The following GTF3C1 variants were observed in gnomAD, a reference collection of about 807,000 sequenced individuals.
GTF3C1 encodes the protein general transcription factor 3C polypeptide 1.
GTF3C1 carries 57 observed loss-of-function variants against 226.7 expected under a neutral mutation model. The observed-to-expected ratio is 0.25, with a 90% CI of 0.20 to 0.31. GTF3C1 has a LOEUF of 0.31. Ranked by LOEUF, GTF3C1 falls within the 10% of genes least tolerant of loss-of-function variation. The pLI, the probability that GTF3C1 is intolerant of heterozygous loss-of-function variation, is 1.00. For missense variants in GTF3C1, 2,217 were observed against 2,776.1 expected, an observed-to-expected ratio of 0.80 and a Z score of 4.53; for synonymous variants, 1,090 against 1,084.8, an observed-to-expected ratio of 1.00 and a Z score of -0.09.
In GTF3C1 at chr16:27,512,957, A is replaced by T. The variant is rs535959223; in HGVS notation, c.974-1056T>A. The stretch of plus-strand genomic sequence containing the variant: ...TATCCTGTGATACGCGACAACCTGG[A>T]GCGGGACAACCACCCTGTAAAGATG... On this transcript the variant is annotated intron_variant, in intron 6 of 36. Coordinates refer to ENST00000356183, the MANE Select transcript of GTF3C1 (RefSeq NM_001520.4). Among the ~76,000 whole-genome samples the T allele has an allele frequency of 3.9e-5, 6 of 152,334 alleles. No individual in the cohort carries two copies. The East Asian group carries it at 1.2e-3, about 29-fold the overall frequency.
rs1003592784 is a variant in GTF3C1 at position 27,512,023 on chromosome 16, C to T, written c.974-122G>A. 2.9e-6 allele frequency: 3 copies of T among 1,049,920 alleles called. No individual in the cohort carries two copies. The African/African-American group carries it at 4.7e-5, about 16-fold the overall frequency. 65.0% of individuals were successfully genotyped at this position (1,049,920 alleles called of 1,614,324 possible). A position where few individuals can be genotyped will look rare whatever the true frequency, so the allele number is the denominator to read the frequency against. On this transcript the variant is annotated intron_variant, in intron 6 of 36. Coordinates refer to ENST00000356183, the MANE Select transcript of GTF3C1 (RefSeq NM_001520.4). ...GACAGAGATCCCCACAAAGGTCACA[C>T]ATATCACCGTGTCTGGACTTTTAAA...
intron 24 of GTF3C1, among the ~76,000 whole-genome samples, chr16:27,484,826 GA>G (rs1332710152): frequency 6.6e-6 from 1 of 152,228 alleles, no homozygotes; most frequent in Non-Finnish European, 1.5e-5. Context: ...AATAACACAG[GA>G]AGGCAAGGCC....
intron 6 of GTF3C1, among the ~76,000 whole-genome samples, chr16:27,526,136 T>A (rs1330222002): frequency 6.6e-6 from 1 of 152,194 alleles, no homozygotes; most frequent in Admixed American, 6.5e-5. Flanking sequence ...ATTTTTCTCA[T>A]GGACTGGTCA....
intron 24 of GTF3C1, among the ~76,000 whole-genome samples, chr16:27,485,791 G>A (rs2088129574): frequency 2.6e-5 from 4 of 152,232 alleles, no homozygotes; most frequent in Admixed American, 1.3e-4. Context: ...AGCTGTGATC[G>A]TGCCACTGCA....
chr16:27,519,864 T>G (rs2088718466), intron 6 of GTF3C1, among the ~76,000 whole-genome samples: 1 of 152,004 alleles, frequency 6.6e-6, no homozygotes, highest in African/African-American at 2.4e-5. Flanking sequence ...CCCAGCACTT[T>G]GGGAGGACAA....
intron 14 of GTF3C1, among the ~76,000 whole-genome samples, chr16:27,496,003 C>T (rs919027205): frequency 6.6e-6 from 1 of 152,200 alleles, no homozygotes; most frequent in Non-Finnish European, 1.5e-5. Context: ...GGCATGTGAT[C>T]CTCGGTGCTG....
chr16:27,518,664 C>T (rs896947364), intron 6 of GTF3C1, among the ~76,000 whole-genome samples: 1 of 152,158 alleles, frequency 6.6e-6, no homozygotes, highest in Admixed American at 6.5e-5. Flanking sequence ...GGGCCCAGAA[C>T]ATGTACAGAT....
At position 27,463,584 on chromosome 16, in the gene GTF3C1, C is replaced by T; in HGVS notation, c.5881G>A (p.Glu1961Lys). 2 of 1,596,674 alleles carry T rather than the reference C, an allele frequency of 1.3e-6. No homozygotes were observed. The highest frequency in any genetic ancestry group is 1.1e-5 in the South Asian group (1 of 90,740). ...GAGATGTTGGCAGCTCCGAAACTCT[C>T]TGTGAACCCTGAGGGAAGAGGAAGA... is the stretch of plus-strand genomic sequence containing the variant. Reference protein sequence around the residue: ...EGSEDPRGFTESFGAANISQA... With the variant: ...EGSEDPRGFTKSFGAANISQA... Residue 1961 changes from glutamate to lysine, a missense_variant, in exon 35 of 37, where the codon GAG becomes AAG. Physicochemically the swap from Glu to Lys is moderately conservative, Grantham distance 56. Transcript: ENST00000356183. The surrounding 1 kb of genome is among the most constrained non-coding windows in gnomAD (Gnocchi z 4.9).
chr16:27,484,245 T>A lies in GTF3C1; in HGVS notation c.3967A>T (p.Ile1323Leu). The stretch of plus-strand genomic sequence containing the variant: ...AGATAGGCCTGTGGGTTTTTGACTA[T>A]GTAGCGAGCTCTTCGTCCAACGGAA... ...SHSVGRRARY[I>L]VKNPQAYLNY... The change falls in exon 25 of 37, where the codon ATA becomes TTA. Residue 1323 changes from isoleucine (I) to leucine (L), a missense_variant. Ile to Leu is a conservative substitution (Grantham distance 5). This residue lies in a region of GTF3C1 where 546 missense variants were observed against 663.0 expected (regional missense o/e 0.82). Coordinates refer to ENST00000356183, the MANE Select transcript of GTF3C1 (RefSeq NM_001520.4). 6.2e-7 allele frequency: 1 copy of A among 1,609,268 alleles called. No homozygotes were observed. Among genetic ancestry groups the A allele is most frequent in the Non-Finnish European group, 8.5e-7 (1 of 1,175,610 alleles).
In GTF3C1 at chr16:27,461,735, G is replaced by A; in HGVS notation, c.6118-173C>T. 1.7e-6 allele frequency: 1 copy of A among 606,016 alleles called. No homozygotes were observed. Among genetic ancestry groups the A allele is most frequent in the Admixed American group, 2.9e-5 (1 of 35,064 alleles). 37.5% of individuals were successfully genotyped at this position (606,016 alleles called of 1,614,324 possible). A position where few individuals can be genotyped will look rare whatever the true frequency, so the allele number is the denominator to read the frequency against. On this transcript the variant is annotated intron_variant, in intron 36 of 36. Transcript: ENST00000356183. This position sits in a 1 kb window ranked among gnomAD's most constrained non-coding sequence, Gnocchi z 5.3. ...GATGTACCAGGAGGGTTCAGGCAAA[G>A]GCCCTGGTGGGAGAGGCAGCTGCCT...
At position 27,461,251 on chromosome 16, in the gene GTF3C1, C is replaced by T. The variant is rs545803232; in HGVS notation, c.*99G>A. On this transcript the variant is annotated 3_prime_UTR_variant, in exon 37 of 37. Coordinates refer to ENST00000356183, the MANE Select transcript of GTF3C1 (RefSeq NM_001520.4). The surrounding 1 kb of genome is among the most constrained non-coding windows in gnomAD (Gnocchi z 5.3). ...CACCCGTCCCCTGCTGCAGGAGGCT[C>T]GGCAGACCCAAGGCCAGGGCACAGT... The T allele has an allele frequency of 3.6e-5, 26 of 718,578 alleles. No individual in the cohort carries two copies. Among genetic ancestry groups the T allele is most frequent in the Non-Finnish European group, 4.8e-5 (21 of 433,148 alleles). The allele number at this position is 718,578 out of a possible 1,614,324, so 44.5% of individuals were successfully genotyped here.
chr16:27,492,783 G>T lies in GTF3C1; in HGVS notation c.2877-70C>A. ...CAGCCGGCCGCAGGGGTCTGCATGT[G>T]GGGTGAGGGGTGCGACTTCCTTCTT... On this transcript the variant is annotated intron_variant, in intron 17 of 36. Transcript: ENST00000356183. The surrounding 1 kb of genome is among the most constrained non-coding windows in gnomAD (Gnocchi z 5.0). 1 of 863,134 alleles carries T rather than the reference G, an allele frequency of 1.2e-6. No homozygotes were observed. The highest frequency in any genetic ancestry group is 2.0e-6 in the Non-Finnish European group (1 of 499,362). 53.5% of individuals were successfully genotyped at this position (863,134 alleles called of 1,614,324 possible).
intron 7 of GTF3C1, among the ~76,000 whole-genome samples, chr16:27,510,690 T>A (rs375808448): frequency 2.4e-4 from 37 of 152,328 alleles, no homozygotes; most frequent in African/African-American, 8.7e-4. Context: ...ATCAGATCCC[T>A]TGCAGCCACT....
chr16:27,506,885 C>T lies in GTF3C1; in HGVS notation c.1514G>A (p.Arg505Gln), dbSNP rs1200425192. Residue 505 changes from arginine to glutamine, a missense_variant, in exon 9 of 37, where the codon CGG becomes CAG. By Grantham distance (43) the Arg-to-Gln change is conservative. Around this residue, in one of 12 missense-constraint regions of GTF3C1, gnomAD observed 173 missense variants for 207.2 expected, o/e 0.83. Transcript: ENST00000356183. ...QKDTRASANL[R>Q]PKTQPHHSTP... is the part of the protein sequence containing the mutation. ...GGAGTGATGAGGCTGGGTCTTGGGCCGGAGGTTTGCAGAGGCTCTTGTGTC... is the reference window on the plus strand; with the variant it reads ...GGAGTGATGAGGCTGGGTCTTGGGCTGGAGGTTTGCAGAGGCTCTTGTGTC... 12 of 1,612,808 alleles carry T rather than the reference C, an allele frequency of 7.4e-6. No individual in the cohort carries two copies. Among genetic ancestry groups the T allele is most frequent in the Admixed American group, 5.0e-5 (3 of 59,968 alleles).
intron 2 of GTF3C1, among the ~76,000 whole-genome samples, chr16:27,539,225 C>A (rs1405137175): frequency 6.6e-6 from 1 of 152,144 alleles, no homozygotes; most frequent in Non-Finnish European, 1.5e-5. Context: ...ACGGTGCAAT[C>A]AGTGGACCTG....
At chr16:27,531,124 T>C (rs1044479648) in intron 5 of GTF3C1, among the ~76,000 whole-genome samples, 1 of 152,144 alleles carries the variant, frequency 6.6e-6, no homozygotes, top group Admixed American at 6.6e-5. Flanking sequence ...GACTGGTGCA[T>C]ACCACCACCC....
At position 27,495,213 on chromosome 16, in the gene GTF3C1, G is replaced by T. The variant is rs776331760; in HGVS notation, c.2630C>A (p.Thr877Lys). Residue 877 changes from threonine to lysine, a missense_variant and splice_region_variant, in exon 15 of 37, where the codon ACA (threonine) becomes AAA (lysine). Around this residue, in one of 12 missense-constraint regions of GTF3C1, gnomAD observed 353 missense variants for 411.7 expected, o/e 0.86. Coordinates refer to ENST00000356183, the MANE Select transcript of GTF3C1 (RefSeq NM_001520.4). ...WEAEVELATETVYVDDASWMR... is the reference protein window; with the variant it reads ...WEAEVELATEKVYVDDASWMR... ...CAGGAGTGGCAGGGGCCTCTCACCT[G>T]TCTCCGTGGCAAGCTCCACTTCAGC... is the stretch of plus-strand genomic sequence containing the variant. 6.2e-7 allele frequency: 1 copy of T among 1,608,124 alleles called. No individual in the cohort carries two copies. Among genetic ancestry groups the T allele is most frequent in the Non-Finnish European group, 8.5e-7 (1 of 1,176,436 alleles).
intron 8 of GTF3C1, among the ~76,000 whole-genome samples, chr16:27,508,203 G>T (rs1224588234): frequency 1.3e-5 from 2 of 152,216 alleles, no homozygotes; most frequent in African/African-American, 4.8e-5. Flanking sequence ...TAGAGATAGG[G>T]TTTCACCATG....
intron 19 of GTF3C1, among the ~76,000 whole-genome samples, chr16:27,491,741 TCTC>T (rs1232066618): frequency 2.0e-5 from 3 of 151,974 alleles, no homozygotes; most frequent in Admixed American, 2.0e-4. Flanking sequence ...GGACGGCCAC[TCTC>T]CTCCTACCCA....
Sources: gnomAD v4.1 joint callset for allele counts (sites outside exome capture counted in the v4.1 genomes callset) on GRCh38, gnomAD v4.1.1 for gene constraint, gnomAD v4.1.1 regional missense constraint, Gnocchi (gnomAD v3.1) non-coding constraint, MANE v1.5 for transcripts, NCBI Gene and HGNC (gene_info 2026-07-23, HGNC 2026-07-21) for gene names.